Variants in NANOS2 observed in about 807,000 individuals in gnomAD.
NANOS2 encodes nanos C2HC-type zinc finger 2, also known as nanos homolog 2.
In NANOS2, 3 loss-of-function variants were observed where a neutral mutation model predicts 6.4. The observed-to-expected ratio is 0.47, with a 90% CI of 0.22 to 1.22. NANOS2 has a LOEUF of 1.22. Among genes scored for constraint, NANOS2 ranks in the 50% most tolerant of loss-of-function variants. The pLI is 0.22. For synonymous variants in NANOS2, 86 were observed against 85.6 expected (o/e 1.00, Z -0.03); for missense variants, 177 against 191.0 (o/e 0.93, Z 0.43).
rs1385271227 is a variant in NANOS2 at position 45,914,503 on chromosome 19, T to C, written c.191A>G (p.Asn64Ser). The C allele has an allele frequency of 1.9e-6, 3 of 1,614,026 alleles. No individual in the cohort carries two copies. The highest frequency in any genetic ancestry group is 8.5e-7 in the Non-Finnish European group (1 of 1,179,944). ...GANGGLGTLCNFCKHNGESRH... is the reference protein window; with the variant it reads ...GANGGLGTLCSFCKHNGESRH... ...GGACTCCCCGTTGTGCTTGCAGAAG[T>C]TGCACAGGGTCCCCAGGCCCCCGTT... The change falls in exon 1 of 1, where the codon AAC (asparagine) becomes AGC (serine). Residue 64 changes from asparagine (N) to serine (S), a missense_variant. By Grantham distance (46) the Asn-to-Ser change is conservative. Coordinates refer to ENST00000341294, the MANE Select transcript of NANOS2 (RefSeq NM_001029861.3).
rs763716450 is a variant in NANOS2 at position 45,914,511 on chromosome 19, G to A, written c.183C>T (p.Thr61=). The A allele has an allele frequency of 6.2e-7, 1 of 1,614,040 alleles. No individual in the cohort carries two copies. Among genetic ancestry groups the A allele is most frequent in the South Asian group, 1.1e-5 (1 of 91,072 alleles). The part of the protein sequence containing the change: ...GAPGANGGLG[T]LCNFCKHNGE... ...CGTTGTGCTTGCAGAAGTTGCACAG[G>A]GTCCCCAGGCCCCCGTTGGCCCCTG... Residue 61 remains threonine, a synonymous_variant, in exon 1 of 1, where the codon ACC becomes ACT. Transcript: ENST00000341294.
At position 45,914,207 on chromosome 19, in the gene NANOS2, G is replaced by A; in HGVS notation, c.*70C>T. 3.5e-6 allele frequency: 5 copies of A among 1,418,274 alleles called. No individual in the cohort carries two copies. Among genetic ancestry groups the A allele is most frequent in the Non-Finnish European group, 4.8e-6 (5 of 1,046,968 alleles). 87.9% of individuals were successfully genotyped at this position (1,418,274 alleles called of 1,614,324 possible). ...TCCAAAGGGCTGGGTGACTGGAAGA[G>A]AGAGTTTAGGGACTTGGGTGGGATG... On this transcript the variant is annotated 3_prime_UTR_variant, in exon 1 of 1. Transcript: ENST00000341294.
rs1020622585 is a variant in NANOS2 at position 45,913,851 on chromosome 19, G to C, written c.*426C>G. 1.7e-5 allele frequency: 3 copies of C among 175,158 alleles called. No individual in the cohort carries two copies. The highest frequency in any genetic ancestry group is 7.1e-5 in the African/African-American group (3 of 42,202). The allele number at this position is 175,158 out of a possible 1,614,324, so 10.9% of individuals were successfully genotyped here. ...GAGTAGGCACTTCTCAGCCAGCCTT[G>C]TTCAGTATCTCCTAAGGGCTGGCTT... On this transcript the variant is annotated 3_prime_UTR_variant, in exon 1 of 1. Transcript: ENST00000341294.
At position 45,914,642 on chromosome 19, in the gene NANOS2, C is replaced by T; in HGVS notation, c.52G>A (p.Val18Met). 1.2e-6 allele frequency: 2 copies of T among 1,614,226 alleles called. No individual in the cohort carries two copies. The highest frequency in any genetic ancestry group is 1.7e-6 in the Non-Finnish European group (2 of 1,180,028). Residue 18 changes from valine to methionine, a missense_variant, in exon 1 of 1, where the codon GTG (valine) becomes ATG (methionine). Transcript: ENST00000341294. ...MWKDYFNLSQ[V>M]VWALIASRGQ... ...CGACTTGCGATCAGCGCCCACACCA[C>T]CTGGCTCAGGTTGAAGTAGTCCTTC...
rs1158550654 is a variant in NANOS2, at chr19:45,914,494, T to A, written c.200A>T (p.Lys67Met). The change falls in exon 1 of 1, where the codon AAG (lysine) becomes ATG (methionine). Residue 67 changes from lysine (K) to methionine (M), a missense_variant. Coordinates refer to ENST00000341294, the MANE Select transcript of NANOS2 (RefSeq NM_001029861.3). The stretch of plus-strand genomic sequence containing the variant: ...GACGTGGCGGGACTCCCCGTTGTGC[T>A]TGCAGAAGTTGCACAGGGTCCCCAG... ...GGLGTLCNFC[K>M]HNGESRHVYS... The A allele has an allele frequency of 7.4e-6, 12 of 1,614,092 alleles. No individual in the cohort carries two copies. The highest frequency in any genetic ancestry group is 1.0e-5 in the Non-Finnish European group (12 of 1,179,956).
rs1568650924 is a variant in NANOS2, at chr19:45,914,525, CG to C, written c.168del (p.Asn56LysfsTer26). 1.2e-6 allele frequency: 2 copies of C among 1,614,060 alleles called. No individual in the cohort carries two copies. Among genetic ancestry groups the C allele is most frequent in the South Asian group, 2.2e-5 (2 of 91,072 alleles). ...AAGTTGCACAGGGTCCCCAGGCCCC[CG>C]TTGGCCCCTGGCGCCCCCAGCCCCT... Reference protein sequence around the residue: ...QDQGLGAPGANGGLGTLCNFC... With the variant: ...QDQGLGAPGAXGGLGTLCNFC... On this transcript the variant is annotated frameshift_variant, in exon 1 of 1. Transcript: ENST00000341294. LOFTEE classifies it high-confidence loss of function.
chr19:45,914,236 C>A lies in NANOS2; in HGVS notation c.*41G>T, dbSNP rs780969908. ...GTTTAGGGACTTGGGTGGGATGGAC[C>A]AGGAGGGTCAGGGGTGCGGGTGGTG... On this transcript the variant is annotated 3_prime_UTR_variant, in exon 1 of 1. Coordinates refer to ENST00000341294, the MANE Select transcript of NANOS2 (RefSeq NM_001029861.3). 1 of 1,565,902 alleles carries A rather than the reference C, an allele frequency of 6.4e-7. No homozygotes were observed. Among genetic ancestry groups the A allele is most frequent in the Middle Eastern group, 1.7e-4 (1 of 5,888 alleles).
Position 45,913,965 on chromosome 19 carries a change from G to C in NANOS2, c.*312C>G, listed in dbSNP as rs1460635608. On this transcript the variant is annotated 3_prime_UTR_variant, in exon 1 of 1. Coordinates refer to ENST00000341294, the MANE Select transcript of NANOS2 (RefSeq NM_001029861.3). ...CGAAGGGGCAGGGCTCCAGTCACCAGCAGGCCCCACGAGGACAAAAGATCC... is the reference window on the plus strand; with the variant it reads ...CGAAGGGGCAGGGCTCCAGTCACCACCAGGCCCCACGAGGACAAAAGATCC... 2.5e-6 allele frequency: 1 copy of C among 397,384 alleles called. No homozygotes were observed. Among genetic ancestry groups the C allele is most frequent in the Non-Finnish European group, 4.6e-6 (1 of 217,984 alleles). 24.6% of individuals were successfully genotyped at this position (397,384 alleles called of 1,614,324 possible).
rs374329164 is a variant in NANOS2, at chr19:45,914,575, G to A, written c.119C>T (p.Pro40Leu). The change falls in exon 1 of 1, where the codon CCC becomes CTC. Residue 40 changes from proline to leucine, a missense_variant. Pro to Leu is a moderately conservative substitution (Grantham distance 98). Coordinates refer to ENST00000341294, the MANE Select transcript of NANOS2 (RefSeq NM_001029861.3). Reference protein sequence around the residue: ...LETQEIEEPSPGPPLGQDQGL... With the variant: ...LETQEIEEPSLGPPLGQDQGL... ...CTGATCCTGCCCCAGCGGAGGCCCGGGACTTGGCTCCTCAATCTCTTGGGT... is the reference window on the plus strand; with the variant it reads ...CTGATCCTGCCCCAGCGGAGGCCCGAGACTTGGCTCCTCAATCTCTTGGGT... 5.0e-6 allele frequency: 8 copies of A among 1,614,088 alleles called. No homozygotes were observed. In the African/African-American group the frequency reaches 6.7e-5, roughly 13 times the overall value.
chr19:45,914,665 T>TTCCACATG lies in NANOS2; in HGVS notation c.21_28dup (p.Lys10ThrfsTer9). On this transcript the variant is annotated frameshift_variant, in exon 1 of 1. Coordinates refer to ENST00000341294, the MANE Select transcript of NANOS2 (RefSeq NM_001029861.3). LOFTEE classifies it low-confidence loss of function (END_TRUNC). ...CACCTGGCTCAGGTTGAAGTAGTCC[T>TTCCACATG]TCCACATGTCGAAGGGTGGCAGCTG... is the stretch of plus-strand genomic sequence containing the variant. 6.2e-7 allele frequency: 1 copy of TTCCACATG among 1,613,670 alleles called. No homozygotes were observed. The highest frequency in any genetic ancestry group is 1.3e-5 in the African/African-American group (1 of 75,032).
At position 45,914,669 on chromosome 19, in the gene NANOS2, A is replaced by G; in HGVS notation, c.25T>C (p.Trp9Arg). 1.2e-6 allele frequency: 2 copies of G among 1,613,440 alleles called. No homozygotes were observed. Among genetic ancestry groups the G allele is most frequent in the East Asian group, 2.2e-5 (1 of 44,864 alleles). Reference sequence around the variant, plus strand: ...TGGCTCAGGTTGAAGTAGTCCTTCCACATGTCGAAGGGTGGCAGCTGCATG... The same window carrying G: ...TGGCTCAGGTTGAAGTAGTCCTTCCGCATGTCGAAGGGTGGCAGCTGCATG... MQLPPFDM[W>R]KDYFNLSQVV... Residue 9 changes from tryptophan to arginine, a missense_variant, in exon 1 of 1, where the codon TGG becomes CGG. Transcript: ENST00000341294.
In NANOS2 at chr19:45,914,444, G is replaced by T; in HGVS notation, c.250C>A (p.Pro84Thr). Residue 84 changes from proline (P) to threonine (T), a missense_variant, in exon 1 of 1, where the codon CCG becomes ACG. Transcript: ENST00000341294. The part of the protein sequence containing the change: ...HVYSSHQLKT[P>T]DGVVVCPILR... ...ATGGGACACACCACCACGCCATCCGGTGTCTTCAGCTGGTGTGAGGAGTAG... is the reference window on the plus strand; with the variant it reads ...ATGGGACACACCACCACGCCATCCGTTGTCTTCAGCTGGTGTGAGGAGTAG... 6.2e-7 allele frequency: 1 copy of T among 1,614,198 alleles called. No individual in the cohort carries two copies. Among genetic ancestry groups the T allele is most frequent in the Non-Finnish European group, 8.5e-7 (1 of 1,180,020 alleles).
At position 45,914,062 on chromosome 19, in the gene NANOS2, C is replaced by A. The variant is rs1452175740; in HGVS notation, c.*215G>T. 5.1e-6 allele frequency: 3 copies of A among 592,602 alleles called. No homozygotes were observed. The highest frequency in any genetic ancestry group is 8.9e-6 in the Non-Finnish European group (3 of 337,720). 36.7% of individuals were successfully genotyped at this position (592,602 alleles called of 1,614,324 possible). A position where few individuals can be genotyped will look rare whatever the true frequency, so the allele number is the denominator to read the frequency against. ...CCCGCGGCACCAAGGACCCTCAGGCCAACGCCCACAGGCCAGAGCTCCGAG... is the reference window on the plus strand; with the variant it reads ...CCCGCGGCACCAAGGACCCTCAGGCAAACGCCCACAGGCCAGAGCTCCGAG... On this transcript the variant is annotated 3_prime_UTR_variant, in exon 1 of 1. Coordinates refer to ENST00000341294, the MANE Select transcript of NANOS2 (RefSeq NM_001029861.3).
In NANOS2 at chr19:45,914,499, G is replaced by A; in HGVS notation, c.195C>T (p.Phe65=). 1 of 1,614,098 alleles carries A rather than the reference G, an allele frequency of 6.2e-7. No homozygotes were observed. Among genetic ancestry groups the A allele is most frequent in the Non-Finnish European group, 8.5e-7 (1 of 1,179,970 alleles). Residue 65 remains phenylalanine (F), a synonymous_variant, in exon 1 of 1, where the codon TTC becomes TTT. Transcript: ENST00000341294. The part of the protein sequence containing the change: ...ANGGLGTLCN[F]CKHNGESRHV... ...GGCGGGACTCCCCGTTGTGCTTGCA[G>A]AAGTTGCACAGGGTCCCCAGGCCCC... is the stretch of plus-strand genomic sequence containing the variant.
rs1359529244 is a variant in NANOS2, at chr19:45,913,761, G to C, written c.*516C>G. On this transcript the variant is annotated 3_prime_UTR_variant, in exon 1 of 1. Transcript: ENST00000341294. Reference sequence around the variant, plus strand: ...CAGGCGTGGTCCACGATGACACCGTGGTTCTGCAGGAGGCTGAAGATGGAG... The same window carrying C: ...CAGGCGTGGTCCACGATGACACCGTCGTTCTGCAGGAGGCTGAAGATGGAG... 1 of 160,392 alleles carries C rather than the reference G, an allele frequency of 6.2e-6. No homozygotes were observed. Among genetic ancestry groups the C allele is most frequent in the African/African-American group, 2.4e-5 (1 of 41,566 alleles). 9.9% of individuals were successfully genotyped at this position (160,392 alleles called of 1,614,324 possible).
At position 45,913,950 on chromosome 19, in the gene NANOS2, G is replaced by A. The variant is rs935310353; in HGVS notation, c.*327C>T. 5.4e-6 allele frequency: 2 copies of A among 368,836 alleles called. No homozygotes were observed. Among genetic ancestry groups the A allele is most frequent in the Non-Finnish European group, 1.0e-5 (2 of 200,732 alleles). The allele number at this position is 368,836 out of a possible 1,614,324, so 22.8% of individuals were successfully genotyped here. A position where few individuals can be genotyped will look rare whatever the true frequency, so the allele number is the denominator to read the frequency against. On this transcript the variant is annotated 3_prime_UTR_variant, in exon 1 of 1. Coordinates refer to ENST00000341294, the MANE Select transcript of NANOS2 (RefSeq NM_001029861.3). ...AAGGAACAGAGAAGTCGAAGGGGCA[G>A]GGCTCCAGTCACCAGCAGGCCCCAC... is the stretch of plus-strand genomic sequence containing the variant.
Position 45,914,017 on chromosome 19 carries a change from AG to A in NANOS2, c.*259del. 1 of 529,562 alleles carries A rather than the reference AG, an allele frequency of 1.9e-6. No homozygotes were observed. The highest frequency in any genetic ancestry group is 3.4e-6 in the Non-Finnish European group (1 of 295,750). The allele number at this position is 529,562 out of a possible 1,614,324, so 32.8% of individuals were successfully genotyped here. On this transcript the variant is annotated 3_prime_UTR_variant, in exon 1 of 1. Coordinates refer to ENST00000341294, the MANE Select transcript of NANOS2 (RefSeq NM_001029861.3). ...TGAACCGGGGCCCAGAGGGCGCTAC[AG>A]GGCCGTGCAGGAAGGGTTCCCGCGG...
rs1486386297 is a variant in NANOS2 at position 45,914,011 on chromosome 19, C to A, written c.*266G>T. The A allele has an allele frequency of 2.1e-6, 1 of 472,694 alleles. No individual in the cohort carries two copies. Among genetic ancestry groups the A allele is most frequent in the Non-Finnish European group, 3.8e-6 (1 of 263,944 alleles). 29.3% of individuals were successfully genotyped at this position (472,694 alleles called of 1,614,324 possible). ...GATCCATGAACCGGGGCCCAGAGGGCGCTACAGGGCCGTGCAGGAAGGGTT... is the reference window on the plus strand; with the variant it reads ...GATCCATGAACCGGGGCCCAGAGGGAGCTACAGGGCCGTGCAGGAAGGGTT... On this transcript the variant is annotated 3_prime_UTR_variant, in exon 1 of 1. Coordinates refer to ENST00000341294, the MANE Select transcript of NANOS2 (RefSeq NM_001029861.3).
Position 45,914,537 on chromosome 19 carries a change from G to T in NANOS2, c.157C>A (p.Pro53Thr), listed in dbSNP as rs1277431682. ...PLGQDQGLGA[P>T]GANGGLGTLC... is the part of the protein sequence containing the mutation. ...GTCCCCAGGCCCCCGTTGGCCCCTG[G>T]CGCCCCCAGCCCCTGATCCTGCCCC... Residue 53 changes from proline to threonine, a missense_variant, in exon 1 of 1, where the codon CCA (proline) becomes ACA (threonine). Coordinates refer to ENST00000341294, the MANE Select transcript of NANOS2 (RefSeq NM_001029861.3). 6.2e-7 allele frequency: 1 copy of T among 1,614,088 alleles called. No homozygotes were observed. Among genetic ancestry groups the T allele is most frequent in the East Asian group, 2.2e-5 (1 of 44,886 alleles).
Sources: gnomAD v4.1 joint callset for allele counts on GRCh38, gnomAD v4.1.1 for gene constraint, MANE v1.5 for transcripts, NCBI Gene and HGNC (gene_info 2026-07-23, HGNC 2026-07-21) for gene names.